The following KHDC4 variants were observed in gnomAD, a reference collection of about 807,000 sequenced individuals.
KHDC4 encodes the protein KH domain containing 4, pre-mRNA splicing factor.
In KHDC4, 19 loss-of-function variants were observed where a neutral mutation model predicts 74.5. The ratio of observed to expected loss-of-function variants is 0.26; its 90% CI spans 0.18 to 0.37. KHDC4 has a LOEUF of 0.37. Among genes scored for constraint, KHDC4 ranks in the 10% least tolerant of loss-of-function variants. The probability of loss-of-function intolerance (pLI) is 1.00; values close to 1 mark genes in which losing one functional copy is unlikely to be tolerated. For missense variants in KHDC4, 632 were observed against 754.1 expected, an observed-to-expected ratio of 0.84 and a Z score of 1.90; for synonymous variants, 253 against 266.1, an observed-to-expected ratio of 0.95 and a Z score of 0.48.
Position 155,925,708 on chromosome 1 carries a change from G to A in KHDC4, c.817C>T (p.Leu273=). 6.2e-7 allele frequency: 1 copy of A among 1,614,190 alleles called. No homozygotes were observed. The highest frequency in any genetic ancestry group is 8.5e-7 in the Non-Finnish European group (1 of 1,180,048). Residue 273 remains leucine (L), a synonymous_variant, in exon 7 of 14, where the codon CTG becomes TTG. Coordinates refer to ENST00000368321, the MANE Select transcript of KHDC4 (RefSeq NM_014949.4). The part of the protein sequence containing the change: ...IQIETGAKVF[L]RGKGSGCIEP... ...ATGCAGCCTGAACCTTTGCCCCGCAGGAAGACTTTGGCACCTGTTTCAATC... is the reference window on the plus strand; with the variant it reads ...ATGCAGCCTGAACCTTTGCCCCGCAAGAAGACTTTGGCACCTGTTTCAATC...
In KHDC4 at chr1:155,926,766, A is replaced by G; in HGVS notation, c.591T>C (p.Phe197=). The change falls in exon 6 of 14, where the codon TTT becomes TTC. Residue 197 remains phenylalanine (F), a synonymous_variant. Coordinates refer to ENST00000368321, the MANE Select transcript of KHDC4 (RefSeq NM_014949.4). ...VKAATGTSPT[F]NGATVTVYHQ... ...GATAGACAGTTACTGTTGCACCATT[A>G]AAAGTTGGACTTGTTCCTGTGGCAG... 1 of 1,614,180 alleles carries G rather than the reference A, an allele frequency of 6.2e-7. No homozygotes were observed. Among genetic ancestry groups the G allele is most frequent in the Non-Finnish European group, 8.5e-7 (1 of 1,180,024 alleles).
intron 7 of KHDC4, 100 bp downstream of exon 7, chr1:155,925,532 A>G (rs1490241629): frequency 4.7e-6 from 4 of 857,582 alleles, no homozygotes; most frequent in African/African-American, 1.7e-5. Context: ...CCTCATTACT[A>G]TTAATTACAC....
intron 3 of KHDC4, 64 bp downstream of exon 3, chr1:155,929,644 CTATT>C (rs1674100833): frequency 1.3e-6 from 2 of 1,527,794 alleles, no homozygotes; most frequent in African/African-American, 1.4e-5. Context: ...TGACGCCTGT[CTATT>C]TAGAGGTCTT....
intron 6 of KHDC4, chr1:155,926,325 C>CTTTTTTTTTTTT: frequency 2.3e-5 from 4 of 174,960 alleles, no homozygotes; most frequent in Admixed American, 1.0e-4. Context: ...TTACTTGGCA[C>CTTTTTTTTTTTT]TTTTTTTTTT....
In KHDC4 at chr1:155,934,243, G is replaced by T. The variant is rs1041255702; in HGVS notation, c.38+93C>A. On this transcript the variant is annotated intron_variant, in intron 1 of 13. Coordinates refer to ENST00000368321, the MANE Select transcript of KHDC4 (RefSeq NM_014949.4). ...GTCCAGCCCTTTACTTCCCACTTAAGGACCCTTCCACCCTATACGCAGCTT... is the reference window on the plus strand; with the variant it reads ...GTCCAGCCCTTTACTTCCCACTTAATGACCCTTCCACCCTATACGCAGCTT... 9 of 1,330,960 alleles carry T rather than the reference G, an allele frequency of 6.8e-6. No individual in the cohort carries two copies. The African/African-American group carries it at 1.0e-4, about 15-fold the overall frequency. The allele number at this position is 1,330,960 out of a possible 1,614,324, so 82.4% of individuals were successfully genotyped here.
intron 6 of KHDC4, 128 bp downstream of exon 6, chr1:155,926,548 C>T (rs1295859074): frequency 2.1e-5 from 22 of 1,036,578 alleles, no homozygotes; most frequent in Middle Eastern, 3.0e-4. Context: ...AATTCCTGAC[C>T]TCAAATGATC....
At chr1:155,916,761 C>T in intron 11 of KHDC4, 24 bp from the exon 12 acceptor site, 1 of 1,504,386 alleles carries the variant, frequency 6.6e-7, no homozygotes, top group Non-Finnish European at 9.2e-7. Flanking sequence ...AATACAGTGG[C>T]ATTAGCAAAT....
intron 6 of KHDC4, chr1:155,926,236 C>T (rs112149566): frequency 2.6e-6 from 1 of 379,552 alleles, no homozygotes. Context: ...AGCTGGATAA[C>T]ACACAAACAG....
chr1:155,931,925 C>T (rs569925491), intron 2 of KHDC4, among the ~76,000 whole-genome samples: 81 of 152,224 alleles, frequency 5.3e-4, no homozygotes, highest in Non-Finnish European at 8.1e-4. Flanking sequence ...TCAATGTTGT[C>T]CAAGAGAACT....
At position 155,921,593 on chromosome 1, in the gene KHDC4, G is replaced by A. The variant is rs1223257091; in HGVS notation, c.1048C>T (p.Pro350Ser). 6.2e-7 allele frequency: 1 copy of A among 1,614,164 alleles called. No homozygotes were observed. Among genetic ancestry groups the A allele is most frequent in the African/African-American group, 1.3e-5 (1 of 75,040 alleles). Reference sequence around the variant, plus strand: ...TTGGATGGATAATATGGTGGTTGAGGAGGGACACTACTTATAGCAGAGGGT... The same window carrying A: ...TTGGATGGATAATATGGTGGTTGAGAAGGGACACTACTTATAGCAGAGGGT... ...TQPSAISSVPPQPPYYPSNGY... is the reference protein window; with the variant it reads ...TQPSAISSVPSQPPYYPSNGY... The change falls in exon 10 of 14, where the codon CCT becomes TCT. Residue 350 changes from proline to serine, a missense_variant. Pro to Ser is a moderately conservative substitution (Grantham distance 74). Coordinates refer to ENST00000368321, the MANE Select transcript of KHDC4 (RefSeq NM_014949.4).
chr1:155,931,354 A>G (rs1227670045), intron 2 of KHDC4, among the ~76,000 whole-genome samples: 1 of 151,868 alleles, frequency 6.6e-6, no homozygotes, highest in African/African-American at 2.4e-5. Context: ...CGAAGGAACC[A>G]AACAGGCTCA....
chr1:155,914,361 AGG>A, intron 13 of KHDC4, 41 bp from the exon 14 acceptor site: 1 of 1,425,612 alleles, frequency 7.0e-7, no homozygotes, highest in African/African-American at 1.4e-5. Flanking sequence ...ATCCCCGCCA[AGG>A]GAAAAAAAAA....
chr1:155,914,095 G>A lies in KHDC4; in HGVS notation c.*26C>T, dbSNP rs1673681567. 1.3e-6 allele frequency: 2 copies of A among 1,582,350 alleles called. No homozygotes were observed. Among genetic ancestry groups the A allele is most frequent in the Non-Finnish European group, 1.7e-6 (2 of 1,151,146 alleles). On this transcript the variant is annotated 3_prime_UTR_variant, in exon 14 of 14. Transcript: ENST00000368321. ...CATTATTGCTAAGAAGAGTCACTGA[G>A]GGTCAAAACTCTGTTCCACTGTTTC...
rs760819238 is a variant in KHDC4 at position 155,914,220 on chromosome 1, T to G, written c.1746A>C (p.Lys582Asn). 7 of 1,614,022 alleles carry G rather than the reference T, an allele frequency of 4.3e-6. No individual in the cohort carries two copies. The highest frequency in any genetic ancestry group is 3.3e-5 in the Admixed American group (2 of 59,994). Residue 582 changes from lysine (K) to asparagine (N), a missense_variant, in exon 14 of 14, where the codon AAA (lysine) becomes AAC (asparagine). Lys to Asn is a moderately conservative substitution (Grantham distance 94). Transcript: ENST00000368321. Reference sequence around the variant, plus strand: ...AGCCCTGTGGAAAACTACTTGCATTTTTATGACCTCCATGTTCCTCCTCTT... The same window carrying G: ...AGCCCTGTGGAAAACTACTTGCATTGTTATGACCTCCATGTTCCTCCTCTT... Reference protein sequence around the residue: ...SDEEEEHGGHKNASSFPQGWS... With the variant: ...SDEEEEHGGHNNASSFPQGWS...
At chr1:155,931,755 C>T (rs1407786777) in intron 2 of KHDC4, among the ~76,000 whole-genome samples, 1 of 152,206 alleles carries the variant, frequency 6.6e-6, no homozygotes, top group African/African-American at 2.4e-5. Flanking sequence ...AAGAAGGTAA[C>T]ATACTGTTGT....
chr1:155,921,956 C>G (rs188436829), intron 8 of KHDC4, 38 bp from the exon 9 acceptor site: 1 of 1,343,522 alleles, frequency 7.4e-7, no homozygotes, highest in South Asian at 1.2e-5. Context: ...ATGGGACAGC[C>G]GAAGCTGTGC....
chr1:155,931,676 G>A (rs1484066631), intron 2 of KHDC4, among the ~76,000 whole-genome samples: 5 of 152,126 alleles, frequency 3.3e-5, no homozygotes, highest in Admixed American at 6.5e-5. Flanking sequence ...CCACCCACCC[G>A]CTTTAACCTC....
rs1673917496 is a variant in KHDC4, at chr1:155,923,620, A to T, written c.954+7T>A. On this transcript the variant is annotated splice_region_variant and intron_variant, in intron 8 of 13. Transcript: ENST00000368321. Reference sequence around the variant, plus strand: ...TTCTGAATGAGTATCAGACAAATACAACTCACTGTTTGCAAAAGATTCTCA... The same window carrying T: ...TTCTGAATGAGTATCAGACAAATACTACTCACTGTTTGCAAAAGATTCTCA... 1.2e-6 allele frequency: 2 copies of T among 1,609,578 alleles called. No homozygotes were observed. Among genetic ancestry groups the T allele is most frequent in the African/African-American group, 1.3e-5 (1 of 74,822 alleles).
rs1474052839 is a variant in KHDC4 at position 155,929,822 on chromosome 1, C to T, written c.274G>A (p.Gly92Ser). The T allele has an allele frequency of 1.3e-6, 2 of 1,598,534 alleles. No individual in the cohort carries two copies. The highest frequency in any genetic ancestry group is 2.3e-5 in the South Asian group (2 of 88,040). ...ASEKLQAPGK[G>S]LTSNKSKDDL... ...TCCTTGCTTTTATTGCTAGTTAGGC[C>T]TTTGCCAGGAGCCTGAAGCTAGAAA... The change falls in exon 3 of 14, where the codon GGC (glycine) becomes AGC (serine). Residue 92 changes from glycine to serine, a missense_variant. Gly to Ser is a moderately conservative substitution (Grantham distance 56). Transcript: ENST00000368321.
Sources: gnomAD v4.1 joint callset for allele counts (sites outside exome capture counted in the v4.1 genomes callset) on GRCh38, gnomAD v4.1.1 for gene constraint, MANE v1.5 for transcripts, NCBI Gene and HGNC (gene_info 2026-07-23, HGNC 2026-07-21) for gene names.